The following USH2A variants were observed in gnomAD, a reference collection of about 807,000 sequenced individuals.
USH2A encodes the protein usherin, also known as Usher syndrome 2A (autosomal recessive, mild).
Under a neutral mutation model 538.9 loss-of-function variants are expected in USH2A, and 443 were observed. The ratio of observed to expected loss-of-function variants is 0.82; its 90% CI spans 0.76 to 0.89. The LOEUF is 0.89. Ranked by LOEUF, USH2A falls within the 40% of genes least tolerant of loss-of-function variation. The pLI, the probability that USH2A is intolerant of heterozygous loss-of-function variation, is 0.00. For synonymous variants in USH2A, 2,413 were observed against 2,273.5 expected, an observed-to-expected ratio of 1.06 and a Z score of -1.75; for missense variants, 6,633 against 6,324.8, an observed-to-expected ratio of 1.05 and a Z score of -1.65.
intron 56 of USH2A, among the ~76,000 whole-genome samples, chr1:215,762,116 G>T (rs190471254): frequency 6.6e-6 from 1 of 152,270 alleles, no homozygotes; most frequent in Admixed American, 6.5e-5. Context: ...TGTTCTGAGA[G>T]TCTGCTCTGT....
At chr1:216,031,915 C>T (rs1669137234) in intron 32 of USH2A, among the ~76,000 whole-genome samples, 2 of 152,150 alleles carry the variant, frequency 1.3e-5, no homozygotes, top group African/African-American at 4.8e-5. Context: ...TTCTTAAACT[C>T]GACTCTAAAG....
intron 44 of USH2A, among the ~76,000 whole-genome samples, chr1:215,853,859 A>G (rs1277525727): frequency 6.6e-6 from 1 of 152,134 alleles, no homozygotes; most frequent in Non-Finnish European, 1.5e-5. Flanking sequence ...TGTCCACATC[A>G]TTATTAGCAT....
intron 13 of USH2A, among the ~76,000 whole-genome samples, chr1:216,244,398 T>G (rs1367338923): frequency 1.3e-5 from 2 of 152,116 alleles, no homozygotes; most frequent in Non-Finnish European, 2.9e-5. Flanking sequence ...ATAAAACCCA[T>G]TTTTGGTAAC....
intron 3 of USH2A, among the ~76,000 whole-genome samples, chr1:216,416,009 T>C (rs2039571712): frequency 6.6e-6 from 1 of 152,036 alleles, no homozygotes; most frequent in African/African-American, 2.4e-5. Context: ...CTACTAAAAA[T>C]ACAAAAAATT....
chr1:215,760,384 C>T (rs1660946859), intron 56 of USH2A, among the ~76,000 whole-genome samples: 1 of 152,058 alleles, frequency 6.6e-6, no homozygotes, highest in Non-Finnish European at 1.5e-5. Context: ...CTCTGCTTTT[C>T]TCTCTTCCTT....
intron 58 of USH2A, among the ~76,000 whole-genome samples, chr1:215,749,283 C>G (rs1399671497): frequency 6.6e-6 from 1 of 152,164 alleles, no homozygotes; most frequent in Non-Finnish European, 1.5e-5. Context: ...GATGAAGGAA[C>G]AAAACTGTGC....
At chr1:216,393,748 A>G (rs1209303406) in intron 3 of USH2A, among the ~76,000 whole-genome samples, 1 of 152,186 alleles carries the variant, frequency 6.6e-6, no homozygotes, top group Non-Finnish European at 1.5e-5. Context: ...AAAAGCAACT[A>G]CATGAGGATG....
chr1:215,868,615 G>A (rs552403551), intron 43 of USH2A, among the ~76,000 whole-genome samples: 2 of 152,198 alleles, frequency 1.3e-5, no homozygotes, highest in Non-Finnish European at 2.9e-5. Context: ...CTGTGAACAC[G>A]ACCTTATTGG....
intron 35 of USH2A, among the ~76,000 whole-genome samples, chr1:215,978,465 C>G (rs1328003256): frequency 2.0e-5 from 3 of 151,840 alleles, no homozygotes; most frequent in Non-Finnish European, 4.4e-5. Context: ...TCAAGATAAG[C>G]CTAATAAAAA....
intron 40 of USH2A, among the ~76,000 whole-genome samples, chr1:215,892,664 T>C (rs942566823): frequency 8.5e-5 from 13 of 152,302 alleles, no homozygotes; most frequent in Admixed American, 3.9e-4. Flanking sequence ...TAAAGAAATA[T>C]TATTAATCTT....
intron 8 of USH2A, among the ~76,000 whole-genome samples, chr1:216,323,251 T>A (rs1344243994): frequency 7.0e-6 from 1 of 143,634 alleles, no homozygotes; most frequent in Admixed American, 7.2e-5. Context: ...TATAAATATA[T>A]ATATATTTAT....
chr1:215,735,218 A>G (rs1660124476), intron 60 of USH2A, among the ~76,000 whole-genome samples: 1 of 152,088 alleles, frequency 6.6e-6, no homozygotes, highest in Admixed American at 6.6e-5. Flanking sequence ...ACCCTCCTCT[A>G]TGCATTTACA....
chr1:216,214,863 T>C (rs1445739311), intron 15 of USH2A, among the ~76,000 whole-genome samples: 2 of 152,044 alleles, frequency 1.3e-5, no homozygotes, highest in Non-Finnish European at 2.9e-5. Flanking sequence ...TACGTGTGTG[T>C]GTGTATGTGT....
chr1:215,874,149 G>A (rs1664694590), intron 43 of USH2A, among the ~76,000 whole-genome samples: 1 of 152,082 alleles, frequency 6.6e-6, no homozygotes, highest in African/African-American at 2.4e-5. Context: ...GACTCACTTC[G>A]GCAGCTTCAG....
intron 21 of USH2A, among the ~76,000 whole-genome samples, chr1:216,163,827 C>A (rs2034115394): frequency 6.6e-6 from 1 of 151,024 alleles, no homozygotes; most frequent in South Asian, 2.1e-4. Flanking sequence ...AATTAACAAA[C>A]AAAACAGAAG....
At chr1:216,014,164 G>C (rs1668647310) in intron 32 of USH2A, among the ~76,000 whole-genome samples, 1 of 151,930 alleles carries the variant, frequency 6.6e-6, no homozygotes, top group African/African-American at 2.4e-5. Context: ...GGAAATTCTT[G>C]GTAAAACAGG....
At chr1:215,822,187 C>A (rs765428261) in intron 47 of USH2A, among the ~76,000 whole-genome samples, 1 of 151,842 alleles carries the variant, frequency 6.6e-6, no homozygotes, top group Non-Finnish European at 1.5e-5. Flanking sequence ...ATATGTATTA[C>A]ATTGAATCTG....
At chr1:216,067,068 G>A (rs1344943667) in intron 30 of USH2A, among the ~76,000 whole-genome samples, 1 of 152,132 alleles carries the variant, frequency 6.6e-6, no homozygotes, top group African/African-American at 2.4e-5. Context: ...CCTGGAAGTA[G>A]GGGGAGACCC....
chr1:215,789,223 T>C (rs1661903891), intron 51 of USH2A, among the ~76,000 whole-genome samples: 1 of 152,246 alleles, frequency 6.6e-6, no homozygotes, highest in African/African-American at 2.4e-5. Context: ...TAATCATTCA[T>C]TGATACAAAG....
Sources: gnomAD v4.1 joint callset for allele counts (sites outside exome capture counted in the v4.1 genomes callset) on GRCh38, gnomAD v4.1.1 for gene constraint, MANE v1.5 for transcripts, NCBI Gene and HGNC (gene_info 2026-07-23, HGNC 2026-07-21) for gene names.